The following XPO4 variants were observed in gnomAD, a reference collection of about 807,000 sequenced individuals.
The protein encoded by XPO4 is exportin-4.
XPO4 carries 39 observed loss-of-function variants against 143.0 expected under a neutral mutation model. The ratio of observed to expected loss-of-function variants is 0.27; its 90% CI spans 0.21 to 0.36. The LOEUF (loss-of-function observed/expected upper bound fraction) is 0.36. XPO4 is among the 10% of genes least tolerant of loss of function. The pLI is 1.00. For missense variants in XPO4, 907 were observed against 1,348.0 expected (o/e 0.67, Z 5.12); for synonymous variants, 439 against 474.0 (o/e 0.93, Z 0.96).
In XPO4 at chr13:20,790,364, A is replaced by G; in HGVS notation, c.2916+98T>C. 4.2e-6 allele frequency: 4 copies of G among 958,744 alleles called. No homozygotes were observed. In the East Asian group the frequency reaches 9.6e-5, roughly 23 times the overall value. 59.4% of individuals were successfully genotyped at this position (958,744 alleles called of 1,614,324 possible). A position where few individuals can be genotyped will look rare whatever the true frequency, so the allele number is the denominator to read the frequency against. ...GTATCTTCATGTGCACTTAGCAGAT[A>G]CAACTACTAAATTAAATCACAGATA... On this transcript the variant is annotated intron_variant, in intron 19 of 22. Transcript: ENST00000255305.
intron 9 of XPO4, among the ~76,000 whole-genome samples, chr13:20,814,964 A>G (rs555350150): frequency 1.3e-5 from 2 of 152,356 alleles, no homozygotes; most frequent in South Asian, 4.1e-4. Context: ...AATAGTGGTT[A>G]CTTTTATTTA....
rs548205641 is a variant in XPO4 at position 20,843,097 on chromosome 13, T to C, written c.574-49A>G. On this transcript the variant is annotated intron_variant, in intron 5 of 22. Coordinates refer to ENST00000255305, the MANE Select transcript of XPO4 (RefSeq NM_022459.5). ...TTTTATATGAAAAATTTATTCAAAA[T>C]GTATCCCCTTTTAGAATCATGAAAC... is the stretch of plus-strand genomic sequence containing the variant. 1.3e-5 allele frequency: 20 copies of C among 1,501,204 alleles called. No homozygotes were observed. In the African/African-American group the frequency reaches 2.0e-4, roughly 15 times the overall value. 93.0% of individuals were successfully genotyped at this position (1,501,204 alleles called of 1,614,324 possible). A position where few individuals can be genotyped will look rare whatever the true frequency, so the allele number is the denominator to read the frequency against.
intron 9 of XPO4, among the ~76,000 whole-genome samples, chr13:20,813,350 A>G (rs2059607793): frequency 6.6e-6 from 1 of 152,226 alleles, no homozygotes; most frequent in African/African-American, 2.4e-5. Flanking sequence ...ATCAGTAAGG[A>G]AAAGACAAAC....
chr13:20,858,399 G>C (rs549506663), intron 3 of XPO4, among the ~76,000 whole-genome samples: 1 of 152,258 alleles, frequency 6.6e-6, no homozygotes, highest in African/African-American at 2.4e-5. Flanking sequence ...AAAGTATCAT[G>C]ATGTCTGTGG....
At chr13:20,851,407 G>T in intron 4 of XPO4, 1 of 985,158 alleles carries the variant, frequency 1.0e-6, no homozygotes, top group South Asian at 4.7e-5. Flanking sequence ...GTAGTTCTCA[G>T]CCCTGGTATT....
chr13:20,879,380 A>C, intron 1 of XPO4: 1 of 919,890 alleles, frequency 1.1e-6, no homozygotes, highest in South Asian at 5.0e-5. Context: ...GAAGAGCGTA[A>C]ATTACTTCAG....
At chr13:20,882,137 A>C (rs747484926) in intron 1 of XPO4, among the ~76,000 whole-genome samples, 6 of 151,574 alleles carry the variant, frequency 4.0e-5, no homozygotes, top group Non-Finnish European at 7.4e-5. Context: ...AGAAAGAAAG[A>C]AAAGAAAATT....
In XPO4 at chr13:20,884,602, G is replaced by A. The variant is rs936499726; in HGVS notation, c.70-15901C>T. Among the ~76,000 whole-genome samples, 5 of 152,148 alleles carry A rather than the reference G, an allele frequency of 3.3e-5. No homozygotes were observed. In the South Asian group the frequency reaches 1.0e-3, roughly 32 times the overall value. ...ATTTTTTTGTATTTTTATAGAGATG[G>A]GATTTTTGCCATGTTACCCAGGCTG... On this transcript the variant is annotated intron_variant, in intron 1 of 22. Transcript: ENST00000255305.
chr13:20,874,731 C>T (rs1394968732), intron 1 of XPO4, among the ~76,000 whole-genome samples: 9 of 152,162 alleles, frequency 5.9e-5, no homozygotes, highest in Admixed American at 2.6e-4. Flanking sequence ...CGGTGGCTCA[C>T]GCCTGTAATC....
rs548205398 is a variant in XPO4, at chr13:20,800,149, G to A, written c.2147+7C>T. 6 of 1,613,574 alleles carry A rather than the reference G, an allele frequency of 3.7e-6. No individual in the cohort carries two copies. The African/African-American group carries it at 4.0e-5, about 11-fold the overall frequency. On this transcript the variant is annotated splice_region_variant and intron_variant, in intron 15 of 22. Coordinates refer to ENST00000255305, the MANE Select transcript of XPO4 (RefSeq NM_022459.5). ...CACACACAGTCAGCCTCCAACAATG[G>A]GCTAACCTTTCTCTTCTTTCCACCA...
At chr13:20,799,022 GAAAAAAAA>G in intron 16 of XPO4, 135 bp downstream of exon 16, 1 of 628,736 alleles carries the variant, frequency 1.6e-6, no homozygotes, top group East Asian at 3.2e-5. Context: ...CCCTATCTCA[GAAAAAAAA>G]AAAAAAGAAA....
intron 1 of XPO4, among the ~76,000 whole-genome samples, chr13:20,882,739 T>G (rs1188967143): frequency 6.6e-6 from 1 of 151,828 alleles, no homozygotes; most frequent in Non-Finnish European, 1.5e-5. Context: ...AATACAAAAA[T>G]TAGCCAGGTG....
intron 1 of XPO4, among the ~76,000 whole-genome samples, chr13:20,878,223 G>A (rs2060372043): frequency 6.6e-6 from 1 of 152,206 alleles, no homozygotes; most frequent in East Asian, 1.9e-4. Context: ...ATTATAAACT[G>A]CTAATGGTAA....
At chr13:20,791,650 T>C (rs929854130) in intron 18 of XPO4, among the ~76,000 whole-genome samples, 3 of 152,176 alleles carry the variant, frequency 2.0e-5, no homozygotes, top group Non-Finnish European at 2.9e-5. Context: ...AACAAACTTG[T>C]ATTTAGAGCA....
At chr13:20,887,882 A>G (rs1040002908) in intron 1 of XPO4, among the ~76,000 whole-genome samples, 1 of 150,764 alleles carries the variant, frequency 6.6e-6, no homozygotes, top group African/African-American at 2.4e-5. Flanking sequence ...AAAAGAAAAA[A>G]AAAAGAGGTC....
intron 19 of XPO4, among the ~76,000 whole-genome samples, chr13:20,788,903 A>G (rs1264559698): frequency 6.6e-6 from 1 of 152,256 alleles, no homozygotes; most frequent in African/African-American, 2.4e-5. Context: ...TTTACCCGGA[A>G]AAAGTAAACA....
In XPO4 at chr13:20,796,064, G is replaced by A. The variant is rs1260665800; in HGVS notation, c.2797+12C>T. 1.1e-5 allele frequency: 18 copies of A among 1,598,252 alleles called. No homozygotes were observed. Among genetic ancestry groups the A allele is most frequent in the South Asian group, 2.3e-5 (2 of 88,280 alleles). On this transcript the variant is annotated intron_variant, in intron 18 of 22. Coordinates refer to ENST00000255305, the MANE Select transcript of XPO4 (RefSeq NM_022459.5). ...AACAACAAAGTTTAAAAACCATCAC[G>A]TTACATTTTACCTGTATCACTGAAA...
intron 9 of XPO4, among the ~76,000 whole-genome samples, chr13:20,820,431 T>A (rs1023504932): frequency 6.6e-6 from 1 of 152,228 alleles, no homozygotes; most frequent in Admixed American, 6.5e-5. Flanking sequence ...AGGATCAACA[T>A]GCTCTTTAAT....
intron 13 of XPO4, among the ~76,000 whole-genome samples, chr13:20,806,117 A>C (rs1167413191): frequency 6.6e-6 from 1 of 152,216 alleles, no homozygotes; most frequent in Non-Finnish European, 1.5e-5. Context: ...ACTGCTTTTT[A>C]AATTAACATT....
Sources: gnomAD v4.1 joint callset for allele counts (sites outside exome capture counted in the v4.1 genomes callset) on GRCh38, gnomAD v4.1.1 for gene constraint, MANE v1.5 for transcripts, NCBI Gene and HGNC (gene_info 2026-07-23, HGNC 2026-07-21) for gene names.